POGK: variants seen among roughly 807,000 people sequenced by gnomAD.
The protein encoded by POGK is pogo transposable element derived with KRAB domain.
A neutral mutation model predicts 54.4 loss-of-function variants in POGK; 16 were observed. The ratio of observed to expected loss-of-function variants is 0.29; its 90% CI spans 0.20 to 0.45. The LOEUF is 0.45. Ranked by LOEUF, POGK falls within the 20% of genes least tolerant of loss-of-function variation. POGK has a pLI of 1.00. For missense variants in POGK, 515 were observed against 795.6 expected, an observed-to-expected ratio of 0.65 and a Z score of 4.24; for synonymous variants, 271 against 302.2, an observed-to-expected ratio of 0.90 and a Z score of 1.07.
chr1:166,846,824 C>A, intron 3 of POGK, 86 bp downstream of exon 3: 1 of 1,536,118 alleles, frequency 6.5e-7, no homozygotes, highest in Non-Finnish European at 8.9e-7. Context: ...TATCCAATGT[C>A]CCTCTCTCCT....
At chr1:166,845,529 G>GT (rs1190034289) in intron 2 of POGK, among the ~76,000 whole-genome samples, 1 of 152,148 alleles carries the variant, frequency 6.6e-6, no homozygotes, top group East Asian at 1.9e-4. Flanking sequence ...GCCAATGTAT[G>GT]TAAGTGACTG....
rs748222614 is a variant in POGK, at chr1:166,849,845, C to T, written c.1266C>T (p.Ile422=). The T allele has an allele frequency of 6.2e-7, 1 of 1,614,118 alleles. No homozygotes were observed. Among genetic ancestry groups the T allele is most frequent in the Non-Finnish European group, 8.5e-7 (1 of 1,180,050 alleles). The part of the protein sequence containing the change: ...PPYIILRGTY[I]PPGKFPSGME... ...ACATCATTTTGAGGGGAACATATAT[C>T]CCCCCGGGGAAGTTTCCCAGTGGGA... Residue 422 remains isoleucine (I), a synonymous_variant, in exon 5 of 6, where the codon ATC becomes ATT. Transcript: ENST00000367876.
Position 166,853,979 on chromosome 1 carries a change from G to A in POGK, c.*1409G>A, listed in dbSNP as rs937008459. Reference sequence around the variant, plus strand: ...TGTATTCTTGGTCATCTCAAATGGCGTCTAAACCCAGCTACTTTGCATTCC... The same window carrying A: ...TGTATTCTTGGTCATCTCAAATGGCATCTAAACCCAGCTACTTTGCATTCC... On this transcript the variant is annotated 3_prime_UTR_variant, in exon 6 of 6. Transcript: ENST00000367876. 8.5e-5 allele frequency: 13 copies of A among 152,256 alleles called. No individual in the cohort carries two copies. The highest frequency in any genetic ancestry group is 2.0e-4 in the Admixed American group (3 of 15,290). The allele number at this position is 152,256 out of a possible 1,614,324, so 9.4% of individuals were successfully genotyped here. A position where few individuals can be genotyped will look rare whatever the true frequency, so the allele number is the denominator to read the frequency against.
chr1:166,846,972 T>A (rs1158182426), intron 3 of POGK, among the ~76,000 whole-genome samples: 3 of 152,212 alleles, frequency 2.0e-5, no homozygotes, highest in Non-Finnish European at 4.4e-5. Context: ...GGCATTCACA[T>A]TTAAGGATAA....
intron 2 of POGK, among the ~76,000 whole-genome samples, chr1:166,844,689 G>C (rs965167008): frequency 3.9e-5 from 6 of 152,212 alleles, no homozygotes; most frequent in African/African-American, 1.4e-4. Context: ...GCTACAGGAA[G>C]TGTCCTCGGC....
At chr1:166,844,697 G>A (rs1349162588) in intron 2 of POGK, among the ~76,000 whole-genome samples, 4 of 152,140 alleles carry the variant, frequency 2.6e-5, no homozygotes, top group South Asian at 2.1e-4. Flanking sequence ...AAGTGTCCTC[G>A]GCTTAGGGAA....
chr1:166,842,722 C>T (rs1657563744), intron 2 of POGK, among the ~76,000 whole-genome samples: 1 of 152,048 alleles, frequency 6.6e-6, no homozygotes, highest in South Asian at 2.1e-4. Flanking sequence ...TATCTGGAAA[C>T]ACTTTTGTTG....
rs890089721 is a variant in POGK, at chr1:166,855,432, G to A, written c.*2862G>A. ...CCCCACAGCTGGCAGTGGTGTTACAGATGGAACCAGCCTTTGGTGGACAGA... is the reference window on the plus strand; with the variant it reads ...CCCCACAGCTGGCAGTGGTGTTACAAATGGAACCAGCCTTTGGTGGACAGA... On this transcript the variant is annotated 3_prime_UTR_variant, in exon 6 of 6. Coordinates refer to ENST00000367876, the MANE Select transcript of POGK (RefSeq NM_017542.5). The A allele has an allele frequency of 2.0e-5, 3 of 152,228 alleles. No homozygotes were observed. The highest frequency in any genetic ancestry group is 2.9e-5 in the Non-Finnish European group (2 of 68,044). The allele number at this position is 152,228 out of a possible 1,614,324, so 9.4% of individuals were successfully genotyped here.
At chr1:166,848,381 A>C (rs1243680174) in intron 4 of POGK, among the ~76,000 whole-genome samples, 1 of 152,226 alleles carries the variant, frequency 6.6e-6, no homozygotes, top group African/African-American at 2.4e-5. Flanking sequence ...CACCTTCTAA[A>C]TATAAAGTGA....
At chr1:166,846,330 G>T (rs1406151435) in intron 2 of POGK, among the ~76,000 whole-genome samples, 2 of 152,172 alleles carry the variant, frequency 1.3e-5, no homozygotes, top group Non-Finnish European at 2.9e-5. Flanking sequence ...CCTCCAACCG[G>T]TGATCATGGT....
Position 166,849,358 on chromosome 1 carries a change from C to T in POGK, c.779C>T (p.Ala260Val). Residue 260 changes from alanine (A) to valine (V), a missense_variant, in exon 5 of 6, where the codon GCT (alanine) becomes GTT (valine). Ala to Val is a moderately conservative substitution (Grantham distance 64). This residue lies in a region of POGK where 461 missense variants were observed against 743.5 expected (regional missense o/e 0.62). Coordinates refer to ENST00000367876, the MANE Select transcript of POGK (RefSeq NM_017542.5). ...CGAGGCCCCAAGAATGGGAGGTTTG[C>T]TCTGGTGGACCAGCGTGTGGCCGAA... ...AFRGPKNGRFALVDQRVAEYV... is the reference protein window; with the variant it reads ...AFRGPKNGRFVLVDQRVAEYV... The T allele has an allele frequency of 1.2e-6, 2 of 1,614,198 alleles. No homozygotes were observed. The highest frequency in any genetic ancestry group is 1.7e-6 in the Non-Finnish European group (2 of 1,180,056).
rs1557905399 is a variant in POGK at position 166,854,775 on chromosome 1, G to GA, written c.*2208dup. On this transcript the variant is annotated 3_prime_UTR_variant, in exon 6 of 6. Transcript: ENST00000367876. ...CCATAAAGGGATCTGAATTTTAAAT[G>GA]AAAGTATGATGAACCCGCAAGTCTT... 2 of 152,208 alleles carry GA rather than the reference G, an allele frequency of 1.3e-5. No individual in the cohort carries two copies. The highest frequency in any genetic ancestry group is 4.8e-5 in the African/African-American group (2 of 41,456). 9.4% of individuals were successfully genotyped at this position (152,208 alleles called of 1,614,324 possible). A position where few individuals can be genotyped will look rare whatever the true frequency, so the allele number is the denominator to read the frequency against.
rs1369576302 is a variant in POGK, at chr1:166,849,270, G to A, written c.691G>A (p.Val231Ile). The change falls in exon 5 of 6, where the codon GTT becomes ATT. Residue 231 changes from valine (V) to isoleucine (I), a missense_variant. This residue lies in a region of POGK where 461 missense variants were observed against 743.5 expected (regional missense o/e 0.62). Coordinates refer to ENST00000367876, the MANE Select transcript of POGK (RefSeq NM_017542.5). ...AKQFGVLEKN[V>I]RDWRKVKPQL... ...GCAGTTTGGAGTATTGGAAAAAAAC[G>A]TTCGAGACTGGCGCAAAGTGAAGCC... is the stretch of plus-strand genomic sequence containing the variant. 1.2e-5 allele frequency: 19 copies of A among 1,614,092 alleles called. No individual in the cohort carries two copies. The highest frequency in any genetic ancestry group is 5.3e-5 in the African/African-American group (4 of 74,934).
intron 2 of POGK, among the ~76,000 whole-genome samples, chr1:166,844,246 A>AC (rs1158934755): frequency 3.3e-5 from 5 of 151,630 alleles, no homozygotes; most frequent in East Asian, 3.9e-4. Context: ...AGAATATGTT[A>AC]CCCCCCCTAA....
At chr1:166,842,840 C>T (rs1657570800) in intron 2 of POGK, among the ~76,000 whole-genome samples, 1 of 152,142 alleles carries the variant, frequency 6.6e-6, no homozygotes, top group African/African-American at 2.4e-5. Flanking sequence ...TGCCCCCCCA[C>T]CACCACACAC....
intron 2 of POGK, among the ~76,000 whole-genome samples, chr1:166,842,051 A>T (rs994649690): frequency 2.6e-5 from 4 of 151,338 alleles, no homozygotes. Context: ...TTGCCAGTCT[A>T]GCTGTGGACA....
chr1:166,844,809 C>T (rs781333132), intron 2 of POGK, among the ~76,000 whole-genome samples: 17 of 152,076 alleles, frequency 1.1e-4, no homozygotes, highest in Non-Finnish European at 1.9e-4. Flanking sequence ...ATGAGTGCCC[C>T]GGGAGTGTGG....
Position 166,849,865 on chromosome 1 carries a change from G to A in POGK, c.1286G>A (p.Ser429Asn). 6.2e-7 allele frequency: 1 copy of A among 1,614,282 alleles called. No homozygotes were observed. Among genetic ancestry groups the A allele is most frequent in the Non-Finnish European group, 8.5e-7 (1 of 1,180,054 alleles). Residue 429 changes from serine (S) to asparagine (N), a missense_variant, in exon 5 of 6, where the codon AGT (serine) becomes AAT (asparagine). Physicochemically the swap from Ser to Asn is conservative, Grantham distance 46. This residue lies in a region of POGK where 461 missense variants were observed against 743.5 expected (regional missense o/e 0.62). Transcript: ENST00000367876. ...GTYIPPGKFP[S>N]GMEIRCHRYG... ...TATATCCCCCCGGGGAAGTTTCCCA[G>A]TGGGATGGAAATTCGCTGCCACCGG...
At chr1:166,840,667 G>T (rs1012911824) in intron 1 of POGK, among the ~76,000 whole-genome samples, 3 of 152,146 alleles carry the variant, frequency 2.0e-5, no homozygotes, top group Non-Finnish European at 4.4e-5. Context: ...CCACTGGCCG[G>T]CCTCTGTTCT....
Sources: gnomAD v4.1 joint callset for allele counts (sites outside exome capture counted in the v4.1 genomes callset) on GRCh38, gnomAD v4.1.1 for gene constraint, gnomAD v4.1.1 regional missense constraint, MANE v1.5 for transcripts, NCBI Gene and HGNC (gene_info 2026-07-23, HGNC 2026-07-21) for gene names.